AGBL4: variants seen among roughly 807,000 people sequenced by gnomAD.
AGBL4 encodes cytosolic carboxypeptidase 6.
In AGBL4, 58 loss-of-function variants were observed where a neutral mutation model predicts 66.4. The ratio of observed to expected loss-of-function variants is 0.87; its 90% CI spans 0.71 to 1.09. The LOEUF is 1.09. AGBL4 is among the 50% of genes least tolerant of loss of function. The pLI is 0.00. For synonymous variants in AGBL4, 234 were observed against 222.9 expected (o/e 1.05, Z -0.44); for missense variants, 579 against 631.0 (o/e 0.92, Z 0.88).
intron 4 of AGBL4, among the ~76,000 whole-genome samples, chr1:49,081,717 C>T (rs1644811936): frequency 6.6e-6 from 1 of 152,170 alleles, no homozygotes; most frequent in Admixed American, 6.5e-5. Context: ...GTTCCCCATC[C>T]CCCAAATGTG....
Position 48,630,052 on chromosome 1 carries a change from G to A in AGBL4, c.951+4441C>T, listed in dbSNP as rs76017991. Among the ~76,000 whole-genome samples, 172 of 152,232 alleles carry A rather than the reference G, an allele frequency of 1.1e-3. 1 individual carries two copies. Among genetic ancestry groups the A allele is most frequent in the African/African-American group, 4.1e-3 (170 of 41,526 alleles). ...GATGAGTTAACCAGACCCTTTCCCT[G>A]GGGGACAATCAATCATAACTGGCAA... On this transcript the variant is annotated intron_variant, in intron 9 of 13. Coordinates refer to ENST00000371839, the MANE Select transcript of AGBL4 (RefSeq NM_032785.4).
intron 3 of AGBL4, among the ~76,000 whole-genome samples, chr1:49,583,029 A>G (rs557468500): frequency 4.0e-4 from 61 of 152,294 alleles, no homozygotes; most frequent in Admixed American, 1.4e-3. Flanking sequence ...AAACCCTTGT[A>G]ATTTCCTAAG....
At chr1:48,837,703 C>CT (rs1382300748) in intron 6 of AGBL4, among the ~76,000 whole-genome samples, 1,272 of 97,476 alleles carry the variant, frequency 0.013, 13 homozygotes, top group Non-Finnish European at 0.02. Flanking sequence ...CACACGCACA[C>CT]ACACACACTA....
intron 3 of AGBL4, among the ~76,000 whole-genome samples, chr1:49,277,842 C>G (rs1206721560): frequency 1.3e-5 from 2 of 151,916 alleles, no homozygotes; most frequent in African/African-American, 4.8e-5. Context: ...ATATTGTTTT[C>G]TCTGTTTGTT....
chr1:48,945,226 T>A (rs1351019377), intron 5 of AGBL4, among the ~76,000 whole-genome samples: 1 of 152,204 alleles, frequency 6.6e-6, no homozygotes. Context: ...TCCATCCATA[T>A]ACACATCATA....
At chr1:49,871,388 A>C (rs1455487580) in intron 1 of AGBL4, among the ~76,000 whole-genome samples, 7 of 152,112 alleles carry the variant, frequency 4.6e-5, no homozygotes, top group African/African-American at 1.2e-4. Flanking sequence ...TTCACAAAAA[A>C]TAAATGTTTT....
intron 3 of AGBL4, among the ~76,000 whole-genome samples, chr1:49,435,386 AT>A (rs1212252190): frequency 6.6e-6 from 1 of 152,144 alleles, no homozygotes; most frequent in Non-Finnish European, 1.5e-5. Flanking sequence ...AGAGATTTAT[AT>A]TTTTTTCCAT....
intron 5 of AGBL4, among the ~76,000 whole-genome samples, chr1:48,900,972 A>T (rs141597744): frequency 7.0e-4 from 106 of 152,332 alleles, no homozygotes; most frequent in African/African-American, 2.5e-3. Context: ...AATATATCTG[A>T]TAAAGGGCTT....
intron 4 of AGBL4, among the ~76,000 whole-genome samples, chr1:49,194,483 T>A (rs1334517777): frequency 1.3e-5 from 2 of 152,250 alleles, no homozygotes; most frequent in African/African-American, 4.8e-5. Context: ...AGTCTATATT[T>A]TTTAAGTGGA....
chr1:48,689,438 TTCCCTCCC>T (rs1218901262), intron 6 of AGBL4, among the ~76,000 whole-genome samples: 5 of 147,710 alleles, frequency 3.4e-5, no homozygotes, highest in Non-Finnish European at 7.4e-5. Flanking sequence ...TCTTCTTTCC[TTCCCTCCC>T]TCCCTCCCTC....
chr1:49,271,458 A>T (rs1644055789), intron 3 of AGBL4, among the ~76,000 whole-genome samples: 2 of 151,970 alleles, frequency 1.3e-5, no homozygotes, highest in South Asian at 2.1e-4. Context: ...AAGAGATTTC[A>T]AAGCGTTGTG....
At position 49,367,899 on chromosome 1, in the gene AGBL4, C is replaced by T. The variant is rs560101588; in HGVS notation, c.283-122035G>A. Among the ~76,000 whole-genome samples, 4 of 152,232 alleles carry T rather than the reference C, an allele frequency of 2.6e-5. No homozygotes were observed. In the East Asian group the frequency reaches 5.8e-4, roughly 22 times the overall value. Reference sequence around the variant, plus strand: ...TCATCCCAAAAGTAGAACCCATCTACATTAAGTATTCATTCCTCATCGCCC... The same window carrying T: ...TCATCCCAAAAGTAGAACCCATCTATATTAAGTATTCATTCCTCATCGCCC... On this transcript the variant is annotated intron_variant, in intron 3 of 13. Transcript: ENST00000371839.
chr1:49,917,624 C>A (rs985805544), intron 1 of AGBL4, among the ~76,000 whole-genome samples: 1 of 152,034 alleles, frequency 6.6e-6, no homozygotes, highest in Non-Finnish European at 1.5e-5. Context: ...GACTCCCACA[C>A]AATAATAATG....
In AGBL4 at chr1:48,570,704, C is replaced by T. The variant is rs1294564251; in HGVS notation, c.1267+16300G>A. Among the ~76,000 whole-genome samples the T allele has an allele frequency of 6.6e-5, 10 of 152,278 alleles. No individual in the cohort carries two copies. The South Asian group carries it at 1.2e-3, about 19-fold the overall frequency. The stretch of plus-strand genomic sequence containing the variant: ...TTCCCAGCTTTCTAAAACTCAGGCG[C>T]CTTCCTCATGCTGTAAATGTTGTGC... On this transcript the variant is annotated intron_variant, in intron 11 of 13. Coordinates refer to ENST00000371839, the MANE Select transcript of AGBL4 (RefSeq NM_032785.4).
chr1:48,742,369 A>AC (rs1650044308), intron 6 of AGBL4, among the ~76,000 whole-genome samples: 1 of 152,096 alleles, frequency 6.6e-6, no homozygotes, highest in Non-Finnish European at 1.5e-5. Context: ...TAAAATGTCA[A>AC]TTTACTTTTA....
At chr1:49,596,091 A>G (rs1333126192) in intron 3 of AGBL4, among the ~76,000 whole-genome samples, 1 of 152,140 alleles carries the variant, frequency 6.6e-6, no homozygotes, top group African/African-American at 2.4e-5. Flanking sequence ...AGGTAGTAAA[A>G]TGAGCCAAGG....
chr1:49,738,582 G>C (rs954953394), intron 2 of AGBL4, among the ~76,000 whole-genome samples: 4 of 152,200 alleles, frequency 2.6e-5, no homozygotes, highest in Admixed American at 6.5e-5. Context: ...TGCAGCTAGA[G>C]ATGTGAGAAA....
chr1:49,002,625 T>C (rs1429179505), intron 5 of AGBL4, among the ~76,000 whole-genome samples: 2 of 152,238 alleles, frequency 1.3e-5, no homozygotes, highest in African/African-American at 2.4e-5. Flanking sequence ...TTTTTTCTTA[T>C]TGGAATTTCA....
intron 3 of AGBL4, among the ~76,000 whole-genome samples, chr1:49,585,285 G>A (rs979419262): frequency 6.6e-6 from 1 of 152,152 alleles, no homozygotes; most frequent in Non-Finnish European, 1.5e-5. Flanking sequence ...GTGATAGGAT[G>A]GCACTCACAT....
Sources: allele counts gnomAD v4.1 joint callset (sites outside exome capture counted in the v4.1 genomes callset), GRCh38; gene constraint gnomAD v4.1.1; transcripts MANE v1.5; gene names NCBI Gene and HGNC (gene_info 2026-07-23, HGNC 2026-07-21).